Variants in TMCO5A observed in about 807,000 individuals in gnomAD.
TMCO5A encodes transmembrane and coiled-coil domain-containing protein 5A.
Under a neutral mutation model 42.3 loss-of-function variants are expected in TMCO5A, and 34 were observed. That is an observed-to-expected ratio of 0.80 (90% CI 0.61 to 1.07). TMCO5A has a LOEUF of 1.07. TMCO5A is among the 50% of genes least tolerant of loss of function. The pLI is 0.00. For synonymous variants in TMCO5A, 131 were observed against 115.6 expected, an observed-to-expected ratio of 1.13 and a Z score of -0.86; for missense variants, 357 against 327.9, an observed-to-expected ratio of 1.09 and a Z score of -0.69.
intron 6 of TMCO5A, among the ~76,000 whole-genome samples, chr15:37,940,373 C>G (rs1047742438): frequency 6.6e-6 from 1 of 152,136 alleles, no homozygotes; most frequent in Non-Finnish European, 1.5e-5. Flanking sequence ...CTGTGATAAC[C>G]TCATGGTCTT....
chr15:37,942,268 A>G lies in TMCO5A; in HGVS notation c.569+13A>G. 1 of 1,611,792 alleles carries G rather than the reference A, an allele frequency of 6.2e-7. No individual in the cohort carries two copies. Among genetic ancestry groups the G allele is most frequent in the Non-Finnish European group, 8.5e-7 (1 of 1,178,698 alleles). On this transcript the variant is annotated intron_variant, in intron 9 of 11. Coordinates refer to ENST00000319669, the MANE Select transcript of TMCO5A (RefSeq NM_152453.4). ...TTGAGAGAGAAGTGTGAGCTTTGGC[A>G]AAGGAACATCCTGGTTTTGGTAGAA...
chr15:38,022,067 C>T, the TMCO5A span, among the ~76,000 whole-genome samples: 1 of 152,184 alleles, frequency 6.6e-6, no homozygotes, highest in Non-Finnish European at 1.5e-5. Context: ...GTGTTGGCCT[C>T]CCAAAGTGCT....
the TMCO5A span, among the ~76,000 whole-genome samples, chr15:38,017,449 T>C: frequency 5.3e-4 from 80 of 152,074 alleles, 1 homozygote; most frequent in East Asian, 0.014. Flanking sequence ...CTAACAAAAA[T>C]GGTAACCTGC....
chr15:37,971,994 C>T (rs1263018765), downstream of TMCO5A, among the ~76,000 whole-genome samples: 1 of 152,216 alleles, frequency 6.6e-6, no homozygotes, highest in Non-Finnish European at 1.5e-5. Flanking sequence ...TCCAAAGTTG[C>T]TTCTACATTT....
chr15:37,992,187 G>A, the TMCO5A span, among the ~76,000 whole-genome samples: 3 of 151,986 alleles, frequency 2.0e-5, no homozygotes, highest in South Asian at 2.1e-4. Context: ...GTGGGCAAAG[G>A]ACATGAACAC....
At chr15:38,032,999 C>T in the TMCO5A span, among the ~76,000 whole-genome samples, 2 of 146,390 alleles carry the variant, frequency 1.4e-5, no homozygotes, top group African/African-American at 5.1e-5. Flanking sequence ...GCCATGTTGG[C>T]TCACTGCAAG....
At chr15:37,977,753 G>A in the TMCO5A span, among the ~76,000 whole-genome samples, 1 of 152,216 alleles carries the variant, frequency 6.6e-6, no homozygotes, top group Admixed American at 6.5e-5. Context: ...CAGGGCCAGG[G>A]ACTTCAGCAG....
chr15:37,947,815 C>T, intron 11 of TMCO5A, 119 bp downstream of exon 11: 1 of 604,194 alleles, frequency 1.7e-6, no homozygotes, highest in African/African-American at 2.0e-5. Flanking sequence ...CACATACACA[C>T]ACACACACAA....
the TMCO5A span, among the ~76,000 whole-genome samples, chr15:38,015,666 T>C: frequency 6.6e-6 from 1 of 152,330 alleles, no homozygotes; most frequent in East Asian, 1.9e-4. Context: ...TGGCGTTCAG[T>C]AGGTAAATGT....
At chr15:37,938,013 T>A (rs777220374) in intron 5 of TMCO5A, 145 bp from the exon 6 acceptor site, 6 of 687,150 alleles carry the variant, frequency 8.7e-6, no homozygotes, top group Non-Finnish European at 1.5e-5. Flanking sequence ...AGAACAAAGA[T>A]GTTTCCACAG....
At chr15:37,995,845 CA>C in the TMCO5A span, among the ~76,000 whole-genome samples, 14 of 141,054 alleles carry the variant, frequency 9.9e-5, no homozygotes, top group East Asian at 4.1e-4. Context: ...CAATCCCCTC[CA>C]AAAAAAAAAC....
chr15:37,995,028 T>C, the TMCO5A span, among the ~76,000 whole-genome samples: 18 of 152,202 alleles, frequency 1.2e-4, no homozygotes, highest in African/African-American at 4.1e-4. Context: ...ATAATAATAC[T>C]GGCAGAGTGA....
intron 3 of TMCO5A, 150 bp downstream of exon 3, chr15:37,936,613 C>T (rs1421375909): frequency 8.8e-7 from 1 of 1,136,804 alleles, no homozygotes; most frequent in East Asian, 2.5e-5. Context: ...CTCTTGAACA[C>T]TGAAGCATAG....
chr15:38,012,429 A>C, the TMCO5A span, among the ~76,000 whole-genome samples: 1 of 152,166 alleles, frequency 6.6e-6, no homozygotes, highest in Non-Finnish European at 1.5e-5. Flanking sequence ...CTCAAAGAGA[A>C]AAGCTCAGAG....
chr15:38,001,140 T>G, the TMCO5A span, among the ~76,000 whole-genome samples: 3 of 152,080 alleles, frequency 2.0e-5, no homozygotes, highest in African/African-American at 7.2e-5. Flanking sequence ...TATCTCTCTC[T>G]TTAGCTCTAA....
At chr15:37,988,338 T>C in the TMCO5A span, among the ~76,000 whole-genome samples, 4 of 152,128 alleles carry the variant, frequency 2.6e-5, no homozygotes, top group East Asian at 7.7e-4. Context: ...GCCTTTTTAC[T>C]TCTTTTTCTT....
the TMCO5A span, among the ~76,000 whole-genome samples, chr15:37,999,331 T>C: frequency 5.3e-5 from 8 of 152,346 alleles, no homozygotes; most frequent in African/African-American, 1.9e-4. Flanking sequence ...CTTTTCAGAT[T>C]GTTCACTGTT....
At chr15:37,994,521 T>C in the TMCO5A span, 3 of 152,246 alleles carry the variant, frequency 2.0e-5, no homozygotes, top group East Asian at 5.8e-4. Flanking sequence ...TACGACTTGA[T>C]AGTCATTGCA....
intron 4 of TMCO5A, 122 bp from the exon 5 acceptor site, chr15:37,937,224 A>G: frequency 8.3e-7 from 1 of 1,209,646 alleles, no homozygotes; most frequent in Non-Finnish European, 1.2e-6. Context: ...TACACATGAC[A>G]TTATGCAAAT....
Sources: gnomAD v4.1 joint callset for allele counts (sites outside exome capture counted in the v4.1 genomes callset) on GRCh38, gnomAD v4.1.1 for gene constraint, MANE v1.5 for transcripts, NCBI Gene and HGNC (gene_info 2026-07-23, HGNC 2026-07-21) for gene names.